Variants in PRMT8 observed in about 807,000 individuals in gnomAD.
PRMT8 encodes the protein protein arginine N-methyltransferase 8.
A neutral mutation model predicts 47.1 loss-of-function variants in PRMT8; 7 were observed. The observed-to-expected ratio is 0.15, with a 90% CI of 0.08 to 0.28. The LOEUF (loss-of-function observed/expected upper bound fraction) is 0.28. Among genes scored for constraint, PRMT8 ranks in the 10% least tolerant of loss-of-function variants. The pLI, the probability that PRMT8 is intolerant of heterozygous loss-of-function variation, is 1.00. For synonymous variants in PRMT8, 188 were observed against 186.5 expected, an observed-to-expected ratio of 1.01 and a Z score of -0.07; for missense variants, 237 against 505.4, an observed-to-expected ratio of 0.47 and a Z score of 5.09.
chr12:3,488,659 A>C (rs181660941), upstream of PRMT8, among the ~76,000 whole-genome samples: 14 of 152,356 alleles, frequency 9.2e-5, no homozygotes, highest in East Asian at 2.7e-3. Flanking sequence ...CATTTAAGAG[A>C]TGCCTAGTAA....
Position 3,538,500 on chromosome 12 carries a change from A to G in PRMT8, c.76-2106A>G, listed in dbSNP as rs1309283774. On this transcript the variant is annotated intron_variant, in intron 1 of 9. Coordinates refer to ENST00000382622, the MANE Select transcript of PRMT8 (RefSeq NM_019854.5). The surrounding 1 kb of genome is among the most constrained non-coding windows in gnomAD (Gnocchi z 4.6). Reference sequence around the variant, plus strand: ...TCCCACCCACTCCCAGCCTCCGGGGAGTCTTAGCCTGTGGAGTCCCAGGAA... The same window carrying G: ...TCCCACCCACTCCCAGCCTCCGGGGGGTCTTAGCCTGTGGAGTCCCAGGAA... 2.5e-6 allele frequency: 1 copy of G among 392,672 alleles called. No individual in the cohort carries two copies. The highest frequency in any genetic ancestry group is 3.1e-5 in the Admixed American group (1 of 31,746). 24.3% of individuals were successfully genotyped at this position (392,672 alleles called of 1,614,324 possible).
intron 1 of PRMT8, among the ~76,000 whole-genome samples, chr12:3,396,515 T>G (rs1864250005): frequency 6.6e-6 from 1 of 152,234 alleles, no homozygotes; most frequent in Non-Finnish European, 1.5e-5. Flanking sequence ...GAAAATTCTT[T>G]TCTTTGAGAA....
intron 1 of PRMT8, among the ~76,000 whole-genome samples, chr12:3,483,642 C>G (rs1322018542): frequency 6.6e-6 from 1 of 152,178 alleles, no homozygotes; most frequent in Non-Finnish European, 1.5e-5. Context: ...GCTTTAAGGA[C>G]TATGGTCTGT....
chr12:3,573,422 T>A (rs552422192), intron 6 of PRMT8, among the ~76,000 whole-genome samples: 164 of 152,382 alleles, frequency 1.1e-3, no homozygotes, highest in Middle Eastern at 6.8e-3. Context: ...ACATACTTAG[T>A]ATAGATACTT....
At chr12:3,421,933 C>T (rs117301299) in intron 1 of PRMT8, among the ~76,000 whole-genome samples, 2,344 of 152,258 alleles carry the variant, frequency 0.015, 35 homozygotes, top group Non-Finnish European at 0.018. Flanking sequence ...TGGCCTGCTA[C>T]TGGGGTGGGC....
chr12:3,593,623 C>T lies in PRMT8; in HGVS notation c.*441C>T, dbSNP rs7298428. Reference sequence around the variant, plus strand: ...CTGTGTGTGCGGTGGTGTGCGTGTGCGTGCATGTGTGAATGTGAGCAGCAT... The same window carrying T: ...CTGTGTGTGCGGTGGTGTGCGTGTGTGTGCATGTGTGAATGTGAGCAGCAT... On this transcript the variant is annotated 3_prime_UTR_variant, in exon 10 of 10. Coordinates refer to ENST00000382622, the MANE Select transcript of PRMT8 (RefSeq NM_019854.5). This position sits in a 1 kb window ranked among gnomAD's most constrained non-coding sequence, Gnocchi z 4.8. 2.9e-5 allele frequency: 6 copies of T among 208,218 alleles called. No homozygotes were observed. The highest frequency in any genetic ancestry group is 5.6e-5 in the Admixed American group (1 of 17,754). 12.9% of individuals were successfully genotyped at this position (208,218 alleles called of 1,614,324 possible). A position where few individuals can be genotyped will look rare whatever the true frequency, so the allele number is the denominator to read the frequency against.
intron 1 of PRMT8, among the ~76,000 whole-genome samples, chr12:3,481,140 C>T (rs901531712): frequency 6.6e-6 from 1 of 152,216 alleles, no homozygotes; most frequent in Non-Finnish European, 1.5e-5. Context: ...GCTGGGAAAT[C>T]CCCTTCCCAG....
At chr12:3,588,613 C>T (rs145658732) in intron 8 of PRMT8, among the ~76,000 whole-genome samples, 37 of 152,310 alleles carry the variant, frequency 2.4e-4, no homozygotes, top group African/African-American at 8.4e-4. Context: ...CAGCCATACC[C>T]GGCCTGTGGC....
chr12:3,561,437 A>G (rs963123615), intron 4 of PRMT8, among the ~76,000 whole-genome samples: 1 of 152,162 alleles, frequency 6.6e-6, no homozygotes, highest in Non-Finnish European at 1.5e-5. Context: ...CAAGAGTCAC[A>G]TGTTTTTATT....
rs144823677 is a variant in PRMT8 at position 3,408,404 on chromosome 12, A to T, written c.48+26962A>T. 2.2e-4 allele frequency among the ~76,000 whole-genome samples: 33 copies of T among 152,004 alleles called. No individual in the cohort carries two copies. In the East Asian group the frequency reaches 5.8e-3, roughly 27 times the overall value. ...ACTCAACAATATCCTTGGCTAAATTAAAAAAAATTTTTTGTAGAAATGAGA... is the reference window on the plus strand; with the variant it reads ...ACTCAACAATATCCTTGGCTAAATTTAAAAAAATTTTTTGTAGAAATGAGA... On this transcript the variant is annotated intron_variant, in intron 1 of 9. Transcript: ENST00000452611.
chr12:3,446,750 T>A (rs1007981830), intron 1 of PRMT8, among the ~76,000 whole-genome samples: 1 of 152,188 alleles, frequency 6.6e-6, no homozygotes, highest in East Asian at 1.9e-4. Flanking sequence ...TGGGAATAGG[T>A]GGGCACGGAT....
chr12:3,532,647 C>T (rs1281703500), intron 1 of PRMT8, among the ~76,000 whole-genome samples: 1 of 138,842 alleles, frequency 7.2e-6, no homozygotes, highest in African/African-American at 2.6e-5. Flanking sequence ...AAAAAGAGCT[C>T]TCTCTTTAGC....
At chr12:3,504,464 T>TGA (rs1014668489) in intron 1 of PRMT8, among the ~76,000 whole-genome samples, 13 of 117,688 alleles carry the variant, frequency 1.1e-4, no homozygotes, top group Admixed American at 8.0e-4. Flanking sequence ...CCCTGCCGTG[T>TGA]GAGGTGTCAG....
chr12:3,396,975 G>T (rs916084054), intron 1 of PRMT8, among the ~76,000 whole-genome samples: 1 of 151,230 alleles, frequency 6.6e-6, no homozygotes, highest in African/African-American at 2.4e-5. Context: ...ATCTTCCATC[G>T]CTGATACCCT....
At chr12:3,556,797 GT>G (rs1565440766) in intron 4 of PRMT8, among the ~76,000 whole-genome samples, 3 of 152,234 alleles carry the variant, frequency 2.0e-5, no homozygotes, top group Non-Finnish European at 4.4e-5. Flanking sequence ...GGTAAGGTGT[GT>G]GTGTCAGGGG....
chr12:3,455,401 A>G (rs1164459099), intron 1 of PRMT8, among the ~76,000 whole-genome samples: 1 of 152,134 alleles, frequency 6.6e-6, no homozygotes, highest in Non-Finnish European at 1.5e-5. Flanking sequence ...AAGAGAACCC[A>G]CAGACAGGAT....
chr12:3,571,987 C>T (rs1026789049), intron 6 of PRMT8, among the ~76,000 whole-genome samples: 1 of 152,084 alleles, frequency 6.6e-6, no homozygotes, highest in East Asian at 1.9e-4. Context: ...ATGTTCAGCC[C>T]CTTTCAGAAA....
At chr12:3,433,145 G>C (rs965000620) in intron 1 of PRMT8, among the ~76,000 whole-genome samples, 1 of 152,206 alleles carries the variant, frequency 6.6e-6, no homozygotes, top group Non-Finnish European at 1.5e-5. Flanking sequence ...CTGCTCATCT[G>C]ATGGATGGAA....
intron 1 of PRMT8, among the ~76,000 whole-genome samples, chr12:3,406,926 C>G (rs2137053939): frequency 6.6e-6 from 1 of 152,280 alleles, no homozygotes; most frequent in South Asian, 2.1e-4. Flanking sequence ...TAGCTGTGCC[C>G]CATTCTTGGT....
Sources: allele counts gnomAD v4.1 joint callset (sites outside exome capture counted in the v4.1 genomes callset), GRCh38; gene constraint gnomAD v4.1.1; non-coding constraint Gnocchi (gnomAD v3.1); transcripts MANE v1.5; gene names NCBI Gene and HGNC (gene_info 2026-07-23, HGNC 2026-07-21).